KLHL5: variants seen among roughly 807,000 people sequenced by gnomAD.
KLHL5 encodes the protein kelch like family member 5, also known as kelch-like protein 5.
A neutral mutation model predicts 77.7 loss-of-function variants in KLHL5; 48 were observed. The observed-to-expected ratio is 0.62, with a 90% confidence interval of 0.49 to 0.79. The LOEUF is 0.79. KLHL5 is among the 30% of genes least tolerant of loss of function. KLHL5 has a pLI of 0.00. For missense variants in KLHL5, 723 were observed against 859.7 expected, an observed-to-expected ratio of 0.84 and a Z score of 1.99; for synonymous variants, 260 against 297.0, an observed-to-expected ratio of 0.88 and a Z score of 1.28.
intron 1 of KLHL5, among the ~76,000 whole-genome samples, chr4:39,064,259 A>C (rs146971590): frequency 1.2e-4 from 17 of 136,736 alleles, no homozygotes; most frequent in African/African-American, 4.3e-4. Context: ...GTAGGTAAAT[A>C]GTGTATTTAA....
chr4:39,105,780 T>A (rs1721989774), intron 7 of KLHL5, among the ~76,000 whole-genome samples: 1 of 147,694 alleles, frequency 6.8e-6, no homozygotes, highest in Non-Finnish European at 1.5e-5. Flanking sequence ...ACACATAAAA[T>A]CTCCAAAAGC....
At chr4:39,130,747 G>A (rs768755615), downstream of KLHL5, among the ~76,000 whole-genome samples, 4 of 152,028 alleles carry the variant, frequency 2.6e-5, no homozygotes, top group Admixed American at 1.3e-4. Flanking sequence ...CTTCAAATCC[G>A]GGCCCTTTGT....
At chr4:39,141,304 C>CTTTTTTTTTT in the KLHL5 span, among the ~76,000 whole-genome samples, 1 of 75,626 alleles carries the variant, frequency 1.3e-5, no homozygotes, top group Non-Finnish European at 2.5e-5. Context: ...ATTTTTTAGT[C>CTTTTTTTTTT]TTTTTTTTTT....
At chr4:39,092,209 G>A (rs1320116090) in intron 5 of KLHL5, among the ~76,000 whole-genome samples, 1 of 152,010 alleles carries the variant, frequency 6.6e-6, no homozygotes, top group Non-Finnish European at 1.5e-5. Flanking sequence ...AAAATGCAGA[G>A]TTCATGAAAG....
intron 5 of KLHL5, among the ~76,000 whole-genome samples, chr4:39,096,179 C>A (rs1447151528): frequency 6.6e-6 from 1 of 151,870 alleles, no homozygotes; most frequent in African/African-American, 2.4e-5. Flanking sequence ...TTCAGTGACA[C>A]AAAAGGGATT....
At chr4:39,074,381 T>G (rs2712008) in intron 1 of KLHL5, among the ~76,000 whole-genome samples, 135,681 of 152,284 alleles carry the variant, frequency 0.89, 60,647 homozygotes, top group African/African-American at 0.97. Flanking sequence ...TTGCTTGAGT[T>G]ATCTTTTATG....
intron 5 of KLHL5, 56 bp from the exon 6 acceptor site, chr4:39,096,636 G>T: frequency 8.0e-7 from 1 of 1,246,600 alleles, no homozygotes; most frequent in Non-Finnish European, 1.1e-6. Flanking sequence ...ATTTTTTTCT[G>T]TAAACCCTAC....
downstream of KLHL5, chr4:39,126,694 G>T (rs1267290083): frequency 4.4e-6 from 2 of 454,640 alleles, no homozygotes. Context: ...TTTAATTCAG[G>T]TATTTTCACA....
chr4:39,099,978 C>T (rs1421997403), intron 6 of KLHL5, among the ~76,000 whole-genome samples: 1 of 152,166 alleles, frequency 6.6e-6, no homozygotes, highest in East Asian at 1.9e-4. Context: ...CTTCTTCTCC[C>T]TCTTTTTCTC....
At chr4:39,083,366 A>G (rs530786037) in intron 4 of KLHL5, among the ~76,000 whole-genome samples, 1 of 152,170 alleles carries the variant, frequency 6.6e-6, no homozygotes, top group Non-Finnish European at 1.5e-5. Context: ...GATTTCCTCT[A>G]TCCAAAACAA....
intron 6 of KLHL5, among the ~76,000 whole-genome samples, chr4:39,099,549 A>T (rs879581954): frequency 1.3e-5 from 2 of 152,100 alleles, no homozygotes; most frequent in Non-Finnish European, 2.9e-5. Context: ...CTTTTCATTC[A>T]TCTAACAGGC....
chr4:39,050,076 AAAATAAAT>A (rs1173837919), intron 1 of KLHL5, among the ~76,000 whole-genome samples: 2 of 152,094 alleles, frequency 1.3e-5, no homozygotes, highest in African/African-American at 4.8e-5. Context: ...CTCCATCCCA[AAAATAAAT>A]AAATAAATAA....
chr4:39,070,600 A>G (rs1012840330), intron 1 of KLHL5, among the ~76,000 whole-genome samples: 11 of 152,150 alleles, frequency 7.2e-5, no homozygotes, highest in Admixed American at 1.3e-4. Flanking sequence ...GAACATTTCT[A>G]TTTTAATTCT....
At position 39,062,491 on chromosome 4, in the gene KLHL5, A is replaced by G; in HGVS notation, c.-162A>G. On this transcript the variant is annotated 5_prime_UTR_variant, in exon 1 of 11. Coordinates refer to ENST00000504108, the MANE Select transcript of KLHL5 (RefSeq NM_015990.5). ...GTTCTTTAAAATCTGATATATTGGCATAAAAGTAATTGTAGATATATATAT... is the reference window on the plus strand; with the variant it reads ...GTTCTTTAAAATCTGATATATTGGCGTAAAAGTAATTGTAGATATATATAT... The G allele has an allele frequency of 6.3e-7, 1 of 1,588,790 alleles. No individual in the cohort carries two copies. Among genetic ancestry groups the G allele is most frequent in the Non-Finnish European group, 8.6e-7 (1 of 1,166,332 alleles).
chr4:39,051,380 AAAAAC>A (rs1716631385), intron 1 of KLHL5, among the ~76,000 whole-genome samples: 1 of 152,190 alleles, frequency 6.6e-6, no homozygotes, highest in Non-Finnish European at 1.5e-5. Flanking sequence ...GAAAAAAAAA[AAAAAC>A]AAGAATATGA....
chr4:39,062,343 T>G lies in KLHL5; in HGVS notation c.-310T>G. The G allele has an allele frequency of 7.0e-7, 1 of 1,422,482 alleles. No individual in the cohort carries two copies. The allele number at this position is 1,422,482 out of a possible 1,614,324, so 88.1% of individuals were successfully genotyped here. On this transcript the variant is annotated 5_prime_UTR_variant, in exon 1 of 11. An upstream open reading frame in the 5' UTR loses its in-frame stop. Coordinates refer to ENST00000504108, the MANE Select transcript of KLHL5 (RefSeq NM_015990.5). ...GAATGCTGTCAGTGTTTGTGAGACC[T>G]AATGGTCAGTATGGGAAAGGAGAGC...
chr4:39,114,575 G>A (rs750201956), intron 9 of KLHL5, among the ~76,000 whole-genome samples: 10 of 152,176 alleles, frequency 6.6e-5, no homozygotes, highest in Non-Finnish European at 1.3e-4. Flanking sequence ...TATATTGGGG[G>A]GAAAACAATT....
intron 6 of KLHL5, among the ~76,000 whole-genome samples, chr4:39,102,609 T>G (rs1448329291): frequency 6.6e-6 from 1 of 152,092 alleles, no homozygotes; most frequent in African/African-American, 2.4e-5. Flanking sequence ...GTTCATTATG[T>G]TCGTTATGAT....
chr4:39,046,277 A>C (rs1716182791), intron 1 of KLHL5, among the ~76,000 whole-genome samples: 1 of 152,182 alleles, frequency 6.6e-6, no homozygotes, highest in Non-Finnish European at 1.5e-5. Flanking sequence ...GTAGTACCAT[A>C]GGATAAAACA....
Sources: allele counts gnomAD v4.1 joint callset (sites outside exome capture counted in the v4.1 genomes callset), GRCh38; gene constraint gnomAD v4.1.1; transcripts MANE v1.5; gene names NCBI Gene and HGNC (gene_info 2026-07-23, HGNC 2026-07-21).